Variants in CDH13 observed in about 807,000 individuals in gnomAD.
CDH13 encodes cadherin 13.
Under a neutral mutation model 63.8 loss-of-function variants are expected in CDH13, and 24 were observed. That is an observed-to-expected ratio of 0.38 (90% CI 0.27 to 0.53). CDH13 has a LOEUF of 0.53. CDH13 is among the 20% of genes least tolerant of loss of function. The pLI is 0.85. For missense variants in CDH13, 1,049 were observed against 903.1 expected (o/e 1.16, Z -2.07); for synonymous variants, 503 against 355.3 (o/e 1.42, Z -4.67).
At chr16:82,818,855 A>G (rs1485834009) in intron 1 of CDH13, among the ~76,000 whole-genome samples, 1 of 152,204 alleles carries the variant, frequency 6.6e-6, no homozygotes, top group Non-Finnish European at 1.5e-5. Context: ...GTGGTGTCAT[A>G]ACTTTGCAAA....
chr16:82,643,627 TA>T (rs1909695911), intron 1 of CDH13, among the ~76,000 whole-genome samples: 1 of 152,248 alleles, frequency 6.6e-6, no homozygotes, highest in East Asian at 1.9e-4. Flanking sequence ...TGCTGATTTG[TA>T]AAGTGAATTA....
At chr16:83,109,651 G>A (rs9921422) in intron 3 of CDH13, among the ~76,000 whole-genome samples, 33 of 152,180 alleles carry the variant, frequency 2.2e-4, no homozygotes, top group South Asian at 4.1e-4. Context: ...GAATACATGC[G>A]CAAATTAACA....
chr16:82,874,835 T>G (rs2040453441), intron 2 of CDH13, among the ~76,000 whole-genome samples: 1 of 152,130 alleles, frequency 6.6e-6, no homozygotes, highest in African/African-American at 2.4e-5. Flanking sequence ...AGACTCAGCA[T>G]GAAATTCTAG....
intron 4 of CDH13, among the ~76,000 whole-genome samples, chr16:83,140,863 G>T (rs2036501312): frequency 6.6e-6 from 1 of 152,152 alleles, no homozygotes; most frequent in Admixed American, 6.5e-5. Flanking sequence ...ACTGACCCAA[G>T]GTTTAAGGCA....
intron 4 of CDH13, among the ~76,000 whole-genome samples, chr16:83,131,101 A>G (rs1275010268): frequency 1.3e-5 from 2 of 150,978 alleles, no homozygotes; most frequent in African/African-American, 4.9e-5. Context: ...CCGTAATACG[A>G]GGGAATCATA....
chr16:83,100,559 G>A (rs952280214), intron 3 of CDH13, among the ~76,000 whole-genome samples: 6 of 152,168 alleles, frequency 3.9e-5, no homozygotes, highest in Non-Finnish European at 8.8e-5. Context: ...TGTGCTCCTA[G>A]GTGGAAAACA....
In CDH13 at chr16:83,190,395, A is replaced by C. The variant is rs553944858; in HGVS notation, c.484-26950A>C. 7.2e-5 allele frequency among the ~76,000 whole-genome samples: 11 copies of C among 152,336 alleles called. No homozygotes were observed. In the South Asian group the frequency reaches 2.1e-3, roughly 29 times the overall value. On this transcript the variant is annotated intron_variant, in intron 4 of 13. Transcript: ENST00000567109. ...CTTCACCATAGTTCTACCAAAGTCAAATTGCATTTATAGCACTGGAGTTTC... is the reference window on the plus strand; with the variant it reads ...CTTCACCATAGTTCTACCAAAGTCACATTGCATTTATAGCACTGGAGTTTC...
intron 6 of CDH13, among the ~76,000 whole-genome samples, chr16:83,417,911 T>A (rs1366477864): frequency 1.3e-5 from 2 of 152,138 alleles, no homozygotes; most frequent in African/African-American, 4.8e-5. Context: ...AGAGAAATCA[T>A]AACTGTTTTC....
intron 7 of CDH13, among the ~76,000 whole-genome samples, chr16:83,498,849 C>G (rs139660727): frequency 4.6e-5 from 7 of 152,314 alleles, no homozygotes; most frequent in African/African-American, 1.7e-4. Context: ...GCCGCATTAT[C>G]ATATGGGCCA....
chr16:82,792,796 A>G (rs1244946047), intron 1 of CDH13, among the ~76,000 whole-genome samples: 2 of 152,240 alleles, frequency 1.3e-5, no homozygotes, highest in African/African-American at 2.4e-5. Context: ...TTTGGAAATC[A>G]TCACCCAATG....
intron 10 of CDH13, among the ~76,000 whole-genome samples, chr16:83,709,882 C>T (rs1420740425): frequency 6.6e-6 from 1 of 152,158 alleles, no homozygotes; most frequent in Non-Finnish European, 1.5e-5. Context: ...TCATTATTTC[C>T]ACCTCTCTCT....
intron 5 of CDH13, among the ~76,000 whole-genome samples, chr16:83,218,356 C>G (rs1017886993): frequency 2.0e-5 from 3 of 152,122 alleles, no homozygotes; most frequent in African/African-American, 7.2e-5. Context: ...CGGGTGCTTT[C>G]CAGATGTCCA....
intron 5 of CDH13, among the ~76,000 whole-genome samples, chr16:83,262,367 C>G (rs1357875782): frequency 1.3e-5 from 2 of 152,168 alleles, no homozygotes; most frequent in Non-Finnish European, 2.9e-5. Flanking sequence ...AGAGGAATCT[C>G]TTTTCCATGC....
At chr16:83,409,951 G>T (rs541298378) in intron 6 of CDH13, among the ~76,000 whole-genome samples, 1 of 152,188 alleles carries the variant, frequency 6.6e-6, no homozygotes, top group East Asian at 1.9e-4. Flanking sequence ...GTTTCCAGAA[G>T]ATATTTTAAA....
At chr16:83,051,153 A>G (rs2030287238) in intron 3 of CDH13, among the ~76,000 whole-genome samples, 1 of 152,222 alleles carries the variant, frequency 6.6e-6, no homozygotes, top group Non-Finnish European at 1.5e-5. Flanking sequence ...CCCTCTTCAA[A>G]GGCTGTCAGT....
intron 7 of CDH13, among the ~76,000 whole-genome samples, chr16:83,553,203 C>T (rs1433766485): frequency 1.3e-5 from 2 of 152,108 alleles, no homozygotes; most frequent in Non-Finnish European, 2.9e-5. Context: ...TCGGAGCAGT[C>T]CTAACATTCC....
At chr16:82,808,212 T>C (rs1270898896) in intron 1 of CDH13, among the ~76,000 whole-genome samples, 1 of 152,054 alleles carries the variant, frequency 6.6e-6, no homozygotes, top group Non-Finnish European at 1.5e-5. Context: ...CTCTTCCTAA[T>C]TTTTTTTAGA....
intron 6 of CDH13, among the ~76,000 whole-genome samples, chr16:83,476,914 A>T (rs1429057839): frequency 6.6e-6 from 1 of 152,202 alleles, no homozygotes; most frequent in Non-Finnish European, 1.5e-5. Context: ...GTCTTTCAAA[A>T]AGAACTTCAT....
intron 7 of CDH13, among the ~76,000 whole-genome samples, chr16:83,488,690 T>A (rs1480428880): frequency 6.6e-6 from 1 of 152,164 alleles, no homozygotes; most frequent in Non-Finnish European, 1.5e-5. Context: ...AGTGGCACGA[T>A]CTCAGCTCAC....
Sources: gnomAD v4.1 joint callset for allele counts (sites outside exome capture counted in the v4.1 genomes callset) on GRCh38, gnomAD v4.1.1 for gene constraint, MANE v1.5 for transcripts, NCBI Gene and HGNC (gene_info 2026-07-23, HGNC 2026-07-21) for gene names.